Variants in GRID2 observed in about 807,000 individuals in gnomAD.
GRID2 encodes glutamate ionotropic receptor delta type subunit 2, also known as glutamate receptor ionotropic, delta-2.
A neutral mutation model predicts 114.8 loss-of-function variants in GRID2; 33 were observed. The ratio of observed to expected loss-of-function variants is 0.29; its 90% CI spans 0.22 to 0.38. The LOEUF is 0.38. Ranked by LOEUF, GRID2 falls within the 10% of genes least tolerant of loss-of-function variation. The pLI, the probability that GRID2 is intolerant of heterozygous loss-of-function variation, is 1.00. For synonymous variants in GRID2, 505 were observed against 449.9 expected (o/e 1.12, Z -1.55); for missense variants, 1,184 against 1,257.7 (o/e 0.94, Z 0.89).
chr4:92,510,853 T>C (rs1050396021), intron 1 of GRID2, among the ~76,000 whole-genome samples: 1 of 98,912 alleles, frequency 1.0e-5, no homozygotes, highest in Non-Finnish European at 2.3e-5. Flanking sequence ...TTACAATGTG[T>C]CAATTAAAAA....
rs185045025 is a variant in GRID2 at position 93,651,106 on chromosome 4, G to T, written c.2360+24671G>T. Among the ~76,000 whole-genome samples the T allele has an allele frequency of 6.6e-5, 10 of 152,214 alleles. 1 individual carries two copies. The East Asian group carries it at 1.9e-3, about 29-fold the overall frequency. On this transcript the variant is annotated intron_variant, in intron 14 of 15. Coordinates refer to ENST00000282020, the MANE Select transcript of GRID2 (RefSeq NM_001510.4). ...ATTCTGCATCACCTCACAAAAGATG[G>T]TAGTGAAATCCCTTTAGGAAATATT...
intron 1 of GRID2, among the ~76,000 whole-genome samples, chr4:92,413,156 C>T (rs761251338): frequency 1.3e-5 from 2 of 152,038 alleles, no homozygotes; most frequent in African/African-American, 4.8e-5. Flanking sequence ...CAAATATTAC[C>T]CATTAAACAA....
intron 8 of GRID2, among the ~76,000 whole-genome samples, chr4:93,377,904 A>G (rs1016561676): frequency 6.6e-6 from 1 of 152,196 alleles, no homozygotes; most frequent in African/African-American, 2.4e-5. Flanking sequence ...AAGAATAGAA[A>G]CTAAGATAAA....
chr4:93,191,790 G>A (rs965228069), intron 4 of GRID2, among the ~76,000 whole-genome samples: 1 of 152,008 alleles, frequency 6.6e-6, no homozygotes, highest in Non-Finnish European at 1.5e-5. Context: ...CTTCATAACA[G>A]TATCAATCTC....
At chr4:92,968,338 G>A (rs960110051) in intron 2 of GRID2, among the ~76,000 whole-genome samples, 1 of 151,810 alleles carries the variant, frequency 6.6e-6, no homozygotes, top group Non-Finnish European at 1.5e-5. Context: ...ATCACTATTT[G>A]TTGAGAGACA....
intron 1 of GRID2, among the ~76,000 whole-genome samples, chr4:92,396,502 T>G (rs1560605583): frequency 2.0e-5 from 3 of 152,088 alleles, no homozygotes; most frequent in East Asian, 3.9e-4. Flanking sequence ...ATAAGCAATT[T>G]TTAAGCTTAT....
At chr4:93,668,689 T>C (rs1724149651) in intron 14 of GRID2, among the ~76,000 whole-genome samples, 1 of 152,040 alleles carries the variant, frequency 6.6e-6, no homozygotes, top group South Asian at 2.1e-4. Context: ...CTTGTGTTCC[T>C]GGATTTTGGC....
At chr4:93,798,422 G>A (rs545330151) in intron 1 of GRID2, among the ~76,000 whole-genome samples, 1 of 152,172 alleles carries the variant, frequency 6.6e-6, no homozygotes, top group Middle Eastern at 3.4e-3. Flanking sequence ...GTCCTTAGGG[G>A]CCGCCTAGAC....
At chr4:92,450,752 T>C (rs1234270674) in intron 1 of GRID2, among the ~76,000 whole-genome samples, 1 of 151,336 alleles carries the variant, frequency 6.6e-6, no homozygotes, top group East Asian at 1.9e-4. Context: ...TATGTTGATC[T>C]GTGTCAATCA....
chr4:92,775,976 T>C (rs939901530), intron 2 of GRID2, among the ~76,000 whole-genome samples: 1 of 152,160 alleles, frequency 6.6e-6, no homozygotes, highest in Non-Finnish European at 1.5e-5. Context: ...TAGATTGTCA[T>C]ACGGAAGATA....
chr4:92,918,985 C>CT (rs1239684202), intron 2 of GRID2, among the ~76,000 whole-genome samples: 1 of 152,052 alleles, frequency 6.6e-6, no homozygotes, highest in Non-Finnish European at 1.5e-5. Flanking sequence ...TGGTCCTGGA[C>CT]TTTTTTTGGT....
rs77946721 is a variant in GRID2, at chr4:92,415,529, C to T, written c.88+110785C>T. ...TATCATTCTTTAGGTTTAGCATCCT[C>T]ATACCTTAGCTCTTGCTTATAAGTG... On this transcript the variant is annotated intron_variant, in intron 1 of 15. Transcript: ENST00000282020. Among the ~76,000 whole-genome samples, 404 of 151,548 alleles carry T rather than the reference C, an allele frequency of 2.7e-3. 3 individuals are homozygous for T. The highest frequency in any genetic ancestry group is 9.3e-3 in the African/African-American group (384 of 41,392).
At chr4:92,710,564 T>C (rs1735197730) in intron 2 of GRID2, among the ~76,000 whole-genome samples, 1 of 152,204 alleles carries the variant, frequency 6.6e-6, no homozygotes. Flanking sequence ...TGGTGACGAC[T>C]ACACTTGAAA....
At chr4:93,040,657 T>A (rs908463877) in intron 2 of GRID2, among the ~76,000 whole-genome samples, 1 of 152,162 alleles carries the variant, frequency 6.6e-6, no homozygotes, top group Non-Finnish European at 1.5e-5. Context: ...CACTGGGTAT[T>A]TTAACAATGA....
intron 2 of GRID2, among the ~76,000 whole-genome samples, chr4:92,691,695 C>A (rs1734190031): frequency 6.6e-6 from 1 of 152,182 alleles, no homozygotes. Flanking sequence ...TTTTGCAGAA[C>A]AAGACCATGT....
intron 8 of GRID2, among the ~76,000 whole-genome samples, chr4:93,327,111 T>C (rs2149220081): frequency 6.6e-6 from 1 of 152,302 alleles, no homozygotes; most frequent in East Asian, 1.9e-4. Flanking sequence ...TATGTATTTA[T>C]ATTCTTTTCC....
chr4:93,312,583 G>A (rs902241193), intron 8 of GRID2, among the ~76,000 whole-genome samples: 1 of 152,170 alleles, frequency 6.6e-6, no homozygotes, highest in Non-Finnish European at 1.5e-5. Flanking sequence ...CATCAAGGAA[G>A]TAGTCACTTT....
intron 13 of GRID2, among the ~76,000 whole-genome samples, chr4:93,577,787 A>G (rs554320474): frequency 6.6e-6 from 1 of 152,198 alleles, no homozygotes; most frequent in Non-Finnish European, 1.5e-5. Context: ...AAAGCGTGCA[A>G]GTAGTTTTGT....
intron 2 of GRID2, among the ~76,000 whole-genome samples, chr4:92,942,868 T>G (rs1234286126): frequency 1.3e-5 from 2 of 152,174 alleles, no homozygotes; most frequent in Non-Finnish European, 2.9e-5. Context: ...GGTTGAAAAT[T>G]CTTTTCTTTA....
Sources: allele counts gnomAD v4.1 joint callset (sites outside exome capture counted in the v4.1 genomes callset), GRCh38; gene constraint gnomAD v4.1.1; transcripts MANE v1.5; gene names NCBI Gene and HGNC (gene_info 2026-07-23, HGNC 2026-07-21).